The following STAG1 variants were observed in gnomAD, a reference collection of about 807,000 sequenced individuals.
STAG1 encodes STAG1 cohesin complex component.
Under a neutral mutation model 170.9 loss-of-function variants are expected in STAG1, and 26 were observed. The ratio of observed to expected loss-of-function variants is 0.15; its 90% CI spans 0.11 to 0.21. The LOEUF (loss-of-function observed/expected upper bound fraction) is 0.21. STAG1 is among the 10% of genes least tolerant of loss of function. STAG1 has a pLI of 1.00. For synonymous variants in STAG1, 514 were observed against 497.7 expected (o/e 1.03, Z -0.44); for missense variants, 964 against 1,509.5 (o/e 0.64, Z 5.99).
intron 7 of STAG1, among the ~76,000 whole-genome samples, chr3:136,513,758 T>C (rs923860036): frequency 1.3e-5 from 2 of 152,172 alleles, no homozygotes; most frequent in African/African-American, 2.4e-5. Flanking sequence ...AAATTGTCTT[T>C]TTCTCAAGAA....
intron 1 of STAG1, among the ~76,000 whole-genome samples, chr3:136,658,668 T>C (rs1177277354): frequency 6.6e-6 from 1 of 152,224 alleles, no homozygotes; most frequent in Non-Finnish European, 1.5e-5. Flanking sequence ...GTGAAATCAT[T>C]TCCGAGGTGA....
At chr3:136,630,796 G>A (rs577493477) in intron 2 of STAG1, 74 bp downstream of exon 2, 4 of 1,020,252 alleles carry the variant, frequency 3.9e-6, no homozygotes, top group Middle Eastern at 2.9e-4. Context: ...ATCGAAGAGA[G>A]CATTTTGATA....
Position 136,385,442 on chromosome 3 carries a change from C to G in STAG1, c.2278-7690G>C, listed in dbSNP as rs528446873. On this transcript the variant is annotated intron_variant, in intron 22 of 33. Coordinates refer to ENST00000383202, the MANE Select transcript of STAG1 (RefSeq NM_005862.3). ...GCAATAGAGTGAGACCCTGTCTCTA[C>G]AGAAAACCAACTTTTTCCTAGAGTA... is the stretch of plus-strand genomic sequence containing the variant. Among the ~76,000 whole-genome samples, 4 of 152,252 alleles carry G rather than the reference C, an allele frequency of 2.6e-5. No homozygotes were observed. The East Asian group carries it at 7.7e-4, about 29-fold the overall frequency.
rs146270857 is a variant in STAG1 at position 136,396,520 on chromosome 3, CTTTTTTTTTTTTT to C, written c.2277+2216_2277+2228del. On this transcript the variant is annotated intron_variant, in intron 22 of 33. Transcript: ENST00000383202. Reference sequence around the variant, plus strand: ...ACAGGCGTGAGCCACCGCGCCTGGCCTTTTTTTTTTTTTTTTTTTTTTTTTTGGAGACAGTCTC... The same window carrying C: ...ACAGGCGTGAGCCACCGCGCCTGGCCTTTTTTTTTTTTTGGAGACAGTCTC... Among the ~76,000 whole-genome samples the C allele has an allele frequency of 1.4e-4, 6 of 43,638 alleles. No homozygotes were observed. In the Admixed American group the frequency reaches 1.7e-3, roughly 13 times the overall value. The allele number at this position is 43,638 out of a possible 152,430, so 28.6% of individuals were successfully genotyped here.
chr3:136,419,465 TAA>T (rs1485253765), intron 20 of STAG1, among the ~76,000 whole-genome samples: 1 of 151,874 alleles, frequency 6.6e-6, no homozygotes, highest in African/African-American at 2.4e-5. Context: ...CTTTTTTTTT[TAA>T]AGAGAGAGTC....
intron 21 of STAG1, among the ~76,000 whole-genome samples, chr3:136,413,584 G>C (rs1384836062): frequency 6.6e-6 from 1 of 151,720 alleles, no homozygotes; most frequent in African/African-American, 2.4e-5. Context: ...TCAGCCTCCC[G>C]AGTAGTTGAA....
chr3:136,624,107 CTTTTTT>C (rs113818295), intron 2 of STAG1, among the ~76,000 whole-genome samples: 1 of 146,500 alleles, frequency 6.8e-6, no homozygotes, highest in African/African-American at 2.5e-5. Flanking sequence ...ATATTGGAAT[CTTTTTT>C]TTTTTGAGAC....
At chr3:136,467,286 T>C (rs1048425824) in intron 12 of STAG1, among the ~76,000 whole-genome samples, 13 of 151,960 alleles carry the variant, frequency 8.6e-5, no homozygotes, top group African/African-American at 1.2e-4. Context: ...GAGACACACA[T>C]AGGCGCAAAA....
At chr3:136,347,631 G>C (rs1186238532) in intron 29 of STAG1, among the ~76,000 whole-genome samples, 2 of 151,970 alleles carry the variant, frequency 1.3e-5, no homozygotes, top group Non-Finnish European at 2.9e-5. Context: ...TAGATGCTTT[G>C]AGCTGGAGCT....
intron 1 of STAG1, among the ~76,000 whole-genome samples, chr3:136,643,696 A>G (rs1317385262): frequency 6.6e-6 from 1 of 152,054 alleles, no homozygotes; most frequent in Non-Finnish European, 1.5e-5. Flanking sequence ...TTTTGTAGAG[A>G]TAGGGTTTTG....
chr3:136,516,621 G>A (rs1029979984), intron 7 of STAG1, among the ~76,000 whole-genome samples: 9 of 152,072 alleles, frequency 5.9e-5, no homozygotes, highest in African/African-American at 2.2e-4. Flanking sequence ...CATCTGTCAT[G>A]TCTTATTACT....
In STAG1 at chr3:136,626,296, T is replaced by G. The variant is rs1940088950; in HGVS notation, c.30-3048A>C. On this transcript the variant is annotated intron_variant, in intron 2 of 33. Coordinates refer to ENST00000383202, the MANE Select transcript of STAG1 (RefSeq NM_005862.3). The stretch of plus-strand genomic sequence containing the variant: ...CAAAAATTATCCAGGCATGGTGGTG[T>G]GCGCCTATAGTCCCAGCTACTTGGG... 4.0e-5 allele frequency among the ~76,000 whole-genome samples: 6 copies of G among 150,966 alleles called. No individual in the cohort carries two copies. In the South Asian group the frequency reaches 1.3e-3, roughly 32 times the overall value.
In STAG1 at chr3:136,650,756, ATAT is replaced by A. The variant is rs1208924552; in HGVS notation, c.-83-19778_-83-19776del. Among the ~76,000 whole-genome samples, 4 of 152,264 alleles carry A rather than the reference ATAT, an allele frequency of 2.6e-5. No individual in the cohort carries two copies. In the East Asian group the frequency reaches 7.7e-4, roughly 29 times the overall value. ...GCTCTTATGATAGTACTGTGAGGAG[ATAT>A]TATGGGACTTAATCATGAATCTAGT... On this transcript the variant is annotated intron_variant, in intron 1 of 33. Coordinates refer to ENST00000383202, the MANE Select transcript of STAG1 (RefSeq NM_005862.3).
intron 7 of STAG1, among the ~76,000 whole-genome samples, chr3:136,511,023 C>T (rs748359369): frequency 6.6e-6 from 1 of 152,144 alleles, no homozygotes; most frequent in African/African-American, 2.4e-5. Context: ...CCACCTGTCT[C>T]GGCCTCCCAA....
chr3:136,548,773 T>G (rs559256972), intron 5 of STAG1, among the ~76,000 whole-genome samples: 1 of 152,224 alleles, frequency 6.6e-6, no homozygotes, highest in African/African-American at 2.4e-5. Flanking sequence ...TCAAATCTCA[T>G]GTCAAATTGT....
At chr3:136,659,755 G>T (rs1941514050) in intron 1 of STAG1, among the ~76,000 whole-genome samples, 1 of 152,186 alleles carries the variant, frequency 6.6e-6, no homozygotes, top group Non-Finnish European at 1.5e-5. Flanking sequence ...TACAGTAAAG[G>T]AGAAGAATAA....
chr3:136,438,370 C>T (rs781326290), intron 15 of STAG1, among the ~76,000 whole-genome samples: 3 of 151,534 alleles, frequency 2.0e-5, no homozygotes, highest in Non-Finnish European at 4.4e-5. Context: ...TGACAAGGCG[C>T]GTGCCACCAC....
At chr3:136,361,329 T>C (rs1449932004) in intron 26 of STAG1, among the ~76,000 whole-genome samples, 1 of 152,216 alleles carries the variant, frequency 6.6e-6, no homozygotes, top group Non-Finnish European at 1.5e-5. Flanking sequence ...TTGATAGACA[T>C]TTAGACTATT....
chr3:136,699,984 A>G (rs961680248), intron 1 of STAG1, among the ~76,000 whole-genome samples: 1 of 151,984 alleles, frequency 6.6e-6, no homozygotes, highest in Non-Finnish European at 1.5e-5. Context: ...TCTGCTTTAA[A>G]TGCTATGCCT....
Sources: allele counts gnomAD v4.1 joint callset (sites outside exome capture counted in the v4.1 genomes callset), GRCh38; gene constraint gnomAD v4.1.1; transcripts MANE v1.5; gene names NCBI Gene and HGNC (gene_info 2026-07-23, HGNC 2026-07-21).